PCDH15: variants seen among roughly 807,000 people sequenced by gnomAD.
PCDH15 encodes protocadherin related 15, also known as protocadherin-15.
In PCDH15, 129 loss-of-function variants were observed where a neutral mutation model predicts 178.5. That is an observed-to-expected ratio of 0.72 (90% CI 0.63 to 0.84). PCDH15 has a LOEUF of 0.84. Ranked by LOEUF, PCDH15 falls within the 40% of genes least tolerant of loss-of-function variation. The probability of loss-of-function intolerance (pLI) is 0.00; values close to 1 mark genes in which losing one functional copy is unlikely to be tolerated. For synonymous variants in PCDH15, 800 were observed against 732.0 expected, an observed-to-expected ratio of 1.09 and a Z score of -1.50; for missense variants, 2,230 against 2,099.9, an observed-to-expected ratio of 1.06 and a Z score of -1.21.
Position 54,621,865 on chromosome 10 carries a change from T to C in PCDH15, c.91+42307A>G, listed in dbSNP as rs147540100. On this transcript the variant is annotated intron_variant, in intron 2 of 37. Coordinates refer to ENST00000644397, the MANE Select transcript of PCDH15 (RefSeq NM_001384140.1). ...AAAATGAAACGGTATTTGTCAGCGA[T>C]GTTGTAAAGGGGAAGAAACATTAGA... Among the ~76,000 whole-genome samples the C allele has an allele frequency of 6.0e-3, 912 of 152,070 alleles. 10 individuals carry two copies. Among genetic ancestry groups the C allele is most frequent in the Middle Eastern group, 0.02 (6 of 294 alleles).
intron 3 of PCDH15, among the ~76,000 whole-genome samples, chr10:54,399,061 T>G (rs1951602590): frequency 6.6e-6 from 1 of 152,120 alleles, no homozygotes; most frequent in Non-Finnish European, 1.5e-5. Flanking sequence ...GGCATATATG[T>G]GTTCCTTTCT....
intron 2 of PCDH15, among the ~76,000 whole-genome samples, chr10:55,611,893 G>C (rs2461901): frequency 4.6e-5 from 7 of 151,838 alleles, no homozygotes; most frequent in African/African-American, 1.7e-4. Flanking sequence ...CTAGAGGATC[G>C]TATGTAAAGT....
chr10:54,157,359 G>A (rs930653213), intron 13 of PCDH15, among the ~76,000 whole-genome samples: 1 of 152,188 alleles, frequency 6.6e-6, no homozygotes, highest in South Asian at 2.1e-4. Context: ...GCACCTGCAG[G>A]CTCAACACCA....
intron 3 of PCDH15, among the ~76,000 whole-genome samples, chr10:54,865,491 G>T (rs1348133301): frequency 6.6e-6 from 1 of 152,110 alleles, no homozygotes; most frequent in African/African-American, 2.4e-5. Context: ...ATGGCCTATT[G>T]TGAGACTTTG....
intron 2 of PCDH15, among the ~76,000 whole-genome samples, chr10:55,478,883 G>A (rs1416631181): frequency 4.0e-5 from 6 of 149,652 alleles, no homozygotes; most frequent in Non-Finnish European, 7.5e-5. Flanking sequence ...AAAACCTAGG[G>A]GATATGGACA....
intron 26 of PCDH15, among the ~76,000 whole-genome samples, chr10:53,902,275 T>G (rs941413408): frequency 6.6e-6 from 1 of 152,074 alleles, no homozygotes; most frequent in Admixed American, 6.6e-5. Flanking sequence ...CCCAACCCAA[T>G]TAGGTTGAAT....
intron 20 of PCDH15, among the ~76,000 whole-genome samples, chr10:54,004,794 GA>G (rs1215071921): frequency 1.4e-5 from 2 of 148,034 alleles, no homozygotes; most frequent in African/African-American, 2.5e-5. Flanking sequence ...CAAAGAAACA[GA>G]AAAAAAATTC....
intron 2 of PCDH15, among the ~76,000 whole-genome samples, chr10:55,337,855 TTAAC>T (rs1341019647): frequency 3.1e-5 from 1 of 32,718 alleles, no homozygotes; most frequent in Non-Finnish European, 6.4e-5. Context: ...AAGGAAATAA[TTAAC>T]GAAATATAGA....
intron 25 of PCDH15, among the ~76,000 whole-genome samples, chr10:53,932,137 C>T (rs147361747): frequency 1.0e-3 from 157 of 152,360 alleles, no homozygotes; most frequent in African/African-American, 3.4e-3. Context: ...TCTTCAGCAA[C>T]TTCAGTTTGC....
At chr10:53,925,568 A>G (rs1436387965) in intron 25 of PCDH15, among the ~76,000 whole-genome samples, 1 of 152,206 alleles carries the variant, frequency 6.6e-6, no homozygotes, top group Non-Finnish European at 1.5e-5. Context: ...ATGGATCTAA[A>G]CAGCATTTCT....
chr10:55,029,789 T>G (rs911437095), intron 2 of PCDH15, among the ~76,000 whole-genome samples: 1 of 152,078 alleles, frequency 6.6e-6, no homozygotes, highest in East Asian at 1.9e-4. Flanking sequence ...GGTAAGGGAA[T>G]GTGGTTGAGG....
At chr10:54,512,876 A>G (rs1346570858) in intron 3 of PCDH15, among the ~76,000 whole-genome samples, 1 of 152,086 alleles carries the variant, frequency 6.6e-6, no homozygotes, top group African/African-American at 2.4e-5. Context: ...AGCCTAAAAG[A>G]CCTAAGTGAA....
At chr10:54,814,077 G>A (rs112266896) in intron 3 of PCDH15, among the ~76,000 whole-genome samples, 252 of 152,200 alleles carry the variant, frequency 1.7e-3, no homozygotes, top group African/African-American at 6.0e-3. Context: ...CTAATTCATA[G>A]ATGTTCCTAA....
intron 3 of PCDH15, among the ~76,000 whole-genome samples, chr10:54,893,383 G>A (rs900196968): frequency 6.6e-6 from 1 of 151,890 alleles, no homozygotes; most frequent in Non-Finnish European, 1.5e-5. Flanking sequence ...TTTGCTAAGT[G>A]CCATTTAGCT....
chr10:54,664,057 T>C (rs972462120), intron 2 of PCDH15, 115 bp downstream of exon 2: 7 of 812,982 alleles, frequency 8.6e-6, no homozygotes, highest in Non-Finnish European at 1.0e-5. Flanking sequence ...TACACAGAGA[T>C]ACTAACCTTT....
chr10:55,529,741 GTATATA>G (rs56254743), intron 2 of PCDH15, among the ~76,000 whole-genome samples: 1,176 of 62,754 alleles, frequency 0.019, 45 homozygotes, highest in African/African-American at 0.056. Flanking sequence ...TTGTCTGTGA[GTATATA>G]TATATATATA....
chr10:54,748,276 C>A (rs1945741366), intron 1 of PCDH15, among the ~76,000 whole-genome samples: 1 of 152,122 alleles, frequency 6.6e-6, no homozygotes, highest in Admixed American at 6.5e-5. Flanking sequence ...CCTCCCATAA[C>A]CACACATCCC....
intron 2 of PCDH15, among the ~76,000 whole-genome samples, chr10:55,159,662 AATTAT>A (rs1839007699): frequency 6.8e-6 from 1 of 147,846 alleles, no homozygotes; most frequent in Non-Finnish European, 1.5e-5. Flanking sequence ...AAAGAGATAT[AATTAT>A]ATATCTTTAT....
chr10:55,250,496 A>G (rs1841806243), intron 1 of PCDH15, among the ~76,000 whole-genome samples: 1 of 146,918 alleles, frequency 6.8e-6, no homozygotes, highest in South Asian at 2.1e-4. Context: ...AAAAAAAACT[A>G]GTCAATACCA....
Sources: allele counts gnomAD v4.1 joint callset (sites outside exome capture counted in the v4.1 genomes callset), GRCh38; gene constraint gnomAD v4.1.1; transcripts MANE v1.5; gene names NCBI Gene and HGNC (gene_info 2026-07-23, HGNC 2026-07-21).